Variants in MCF2L observed in about 807,000 individuals in gnomAD.
MCF2L encodes guanine nucleotide exchange factor DBS.
Under a neutral mutation model 153.4 loss-of-function variants are expected in MCF2L, and 97 were observed. The observed-to-expected ratio is 0.63, with a 90% CI of 0.54 to 0.75. The LOEUF (loss-of-function observed/expected upper bound fraction) is 0.75, where lower values mean the gene tolerates loss of function less well. MCF2L is among the 30% of genes least tolerant of loss of function. MCF2L has a pLI of 0.00. For synonymous variants in MCF2L, 659 were observed against 632.2 expected, an observed-to-expected ratio of 1.04 and a Z score of -0.64; for missense variants, 1,347 against 1,495.2, an observed-to-expected ratio of 0.90 and a Z score of 1.64.
rs370010221 is a variant in MCF2L, at chr13:113,027,231, G to A, written c.278+2473G>A. ...GGCCTGGTAACTGAGAGCTCAGCCC[G>A]TCGGCCTGACCTGGAAAGCAGCACA... On this transcript the variant is annotated intron_variant, in intron 3 of 29. Transcript: ENST00000535094. The surrounding 1 kb of genome is among the most constrained non-coding windows in gnomAD (Gnocchi z 4.8). 4.6e-5 allele frequency among the ~76,000 whole-genome samples: 7 copies of A among 152,170 alleles called. No homozygotes were observed. The highest frequency in any genetic ancestry group is 1.2e-4 in the African/African-American group (5 of 41,438).
intron 20 of MCF2L, 83 bp downstream of exon 20, chr13:113,085,261 C>A: frequency 2.5e-6 from 3 of 1,190,954 alleles, no homozygotes; most frequent in Non-Finnish European, 3.7e-6. Context: ...CCGTCCCCAT[C>A]GCGCCCTGCC....
chr13:112,938,136 GCT>G (rs2081539404), intron 2 of MCF2L, among the ~76,000 whole-genome samples: 1 of 143,072 alleles, frequency 7.0e-6, no homozygotes, highest in African/African-American at 2.6e-5. Flanking sequence ...TCAGGTGAGC[GCT>G]GAGGGGTTGG....
intron 2 of MCF2L, among the ~76,000 whole-genome samples, chr13:113,015,711 T>C (rs895156944): frequency 6.6e-6 from 1 of 152,088 alleles, no homozygotes; most frequent in Non-Finnish European, 1.5e-5. Flanking sequence ...GAGACCAAAA[T>C]CGAAGAGACA....
chr13:113,013,672 G>A lies in MCF2L; in HGVS notation c.80-1091G>A, dbSNP rs184283793. Among the ~76,000 whole-genome samples the A allele has an allele frequency of 7.1e-3, 1,074 of 152,310 alleles. 3 individuals carry two copies. The highest frequency in any genetic ancestry group is 0.011 in the South Asian group (53 of 4,828). On this transcript the variant is annotated intron_variant, in intron 1 of 29. Transcript: ENST00000535094. ...GTCCTCAGGTGTGGAAAAATTGAGC[G>A]TTTAAGCCATTCTCAGGTCATCAGC... is the stretch of plus-strand genomic sequence containing the variant.
chr13:113,071,683 G>C (rs1246176936), intron 9 of MCF2L, among the ~76,000 whole-genome samples: 1 of 152,216 alleles, frequency 6.6e-6, no homozygotes, highest in Middle Eastern at 3.2e-3. Flanking sequence ...GCACATTTGT[G>C]TGGGTCTGTT....
At chr13:113,089,464 T>C (rs2034986071) in intron 25 of MCF2L, 146 bp from the exon 26 acceptor site, 8 of 646,646 alleles carry the variant, frequency 1.2e-5, no homozygotes, top group Non-Finnish European at 1.9e-5. Context: ...TCCGTCCGGG[T>C]TTAACTTAGA....
rs1411073380 is a variant in MCF2L at position 113,096,418 on chromosome 13, C to T, written c.3123C>T (p.Pro1041=). The T allele has an allele frequency of 1.3e-6, 2 of 1,595,530 alleles. No individual in the cohort carries two copies. The highest frequency in any genetic ancestry group is 2.7e-5 in the African/African-American group (2 of 74,712). ...TVVADHEKGG[P]DALRVRSGDV... ...TGGCGGACCACGAGAAGGGAGGCCCCGATGCGCTGCGCGTGAGGAGCGGGG... is the reference window on the plus strand; with the variant it reads ...TGGCGGACCACGAGAAGGGAGGCCCTGATGCGCTGCGCGTGAGGAGCGGGG... Residue 1041 remains proline, a synonymous_variant, in exon 28 of 30, where the codon CCC becomes CCT. Coordinates refer to ENST00000535094, the MANE Select transcript of MCF2L (RefSeq NM_001112732.3).
At chr13:113,091,153 C>T (rs370855950) in intron 26 of MCF2L, 48 of 1,301,186 alleles carry the variant, frequency 3.7e-5, no homozygotes, top group Middle Eastern at 2.1e-4. Flanking sequence ...AAAAGCCAAG[C>T]GGCATGAAGT....
Position 113,075,096 on chromosome 13 carries a change from G to A in MCF2L, c.1215G>A (p.Glu405=). ...ACTCCATCCGCCCAAAGTGCCAGGA[G>A]CTCCGGCACCTCTGTGACCAGTTCT... ...AVDSIRPKCQ[E]LRHLCDQFSA... The change falls in exon 11 of 30, where the codon GAG becomes GAA. Residue 405 remains glutamate, a synonymous_variant. Transcript: ENST00000535094. The A allele has an allele frequency of 1.2e-6, 2 of 1,613,724 alleles. No homozygotes were observed. Among genetic ancestry groups the A allele is most frequent in the South Asian group, 1.1e-5 (1 of 91,084 alleles).
chr13:113,081,284 G>A lies in MCF2L; in HGVS notation c.1875+5G>A, dbSNP rs1267227782. On this transcript the variant is annotated splice_donor_5th_base_variant and intron_variant, in intron 16 of 29. Transcript: ENST00000535094. ...GAGCTGCTGTGCGTCCTGGAGGTGA[G>A]GCTGGACTCGGGGAGGGCCGACTGC... 6.3e-7 allele frequency: 1 copy of A among 1,580,990 alleles called. No individual in the cohort carries two copies. Among genetic ancestry groups the A allele is most frequent in the Non-Finnish European group, 8.6e-7 (1 of 1,164,734 alleles).
chr13:113,093,263 C>T (rs986301847), intron 26 of MCF2L, among the ~76,000 whole-genome samples: 15 of 152,232 alleles, frequency 9.9e-5, no homozygotes, highest in African/African-American at 1.7e-4. Context: ...GGTCTGCAAC[C>T]GGAAAATCAC....
In MCF2L at chr13:112,993,658, C is replaced by T. The variant is rs1008556901; in HGVS notation, c.80-21105C>T. On this transcript the variant is annotated intron_variant, in intron 1 of 29. Coordinates refer to ENST00000535094, the MANE Select transcript of MCF2L (RefSeq NM_001112732.3). The surrounding 1 kb of genome is among the most constrained non-coding windows in gnomAD (Gnocchi z 4.6). Reference sequence around the variant, plus strand: ...GGGAGCGAGAAGTCATCGTCAATGGCCCCACGATGTCAGGCTTGGAATTTG... The same window carrying T: ...GGGAGCGAGAAGTCATCGTCAATGGTCCCACGATGTCAGGCTTGGAATTTG... Among the ~76,000 whole-genome samples, 1 of 152,004 alleles carries T rather than the reference C, an allele frequency of 6.6e-6. No homozygotes were observed. The highest frequency in any genetic ancestry group is 1.5e-5 in the Non-Finnish European group (1 of 68,024).
In MCF2L at chr13:113,031,128, GAGAGACAGAC is replaced by G. The variant is rs1435306435; in HGVS notation, c.278+6380_278+6389del. On this transcript the variant is annotated intron_variant, in intron 3 of 29. Transcript: ENST00000535094. This position sits in a 1 kb window ranked among gnomAD's most constrained non-coding sequence, Gnocchi z 5.5. ...AGAGAGACAGAGACAGAGAGTGACA[GAGAGACAGAC>G]AGAGACAGAGAGAGACAGAGAGAAG... Among the ~76,000 whole-genome samples, 2 of 151,544 alleles carry G rather than the reference GAGAGACAGAC, an allele frequency of 1.3e-5. No individual in the cohort carries two copies. Among genetic ancestry groups the G allele is most frequent in the South Asian group, 2.1e-4 (1 of 4,742 alleles).
chr13:113,058,265 C>T (rs2030624727), intron 4 of MCF2L, among the ~76,000 whole-genome samples: 1 of 124,720 alleles, frequency 8.0e-6, no homozygotes, highest in South Asian at 2.8e-4. Flanking sequence ...GCTGAGTGGG[C>T]ATTGAGTGGG....
intron 2 of MCF2L, 34 bp downstream of exon 2, chr13:113,014,880 G>C (rs2084407534): frequency 1.9e-6 from 3 of 1,600,530 alleles, no homozygotes; most frequent in Non-Finnish European, 1.7e-6. Context: ...GGTGGAGAGG[G>C]AGGGGTCTGG....
intron 19 of MCF2L, 27 bp downstream of exon 19, chr13:113,085,011 C>T (rs368228660): frequency 3.3e-5 from 53 of 1,611,672 alleles, no homozygotes; most frequent in East Asian, 4.5e-5. Flanking sequence ...TCCTTTAGAA[C>T]GTTACTCCCT....
At chr13:113,010,170 C>G (rs987749135) in intron 1 of MCF2L, 3 of 151,606 alleles carry the variant, frequency 2.0e-5, no homozygotes, top group Non-Finnish European at 4.4e-5. Context: ...CTCCAGTCCC[C>G]GTTCTCTCTG....
chr13:112,931,061 T>G (rs975489002), intron 2 of MCF2L, among the ~76,000 whole-genome samples: 1 of 152,234 alleles, frequency 6.6e-6, no homozygotes, highest in Non-Finnish European at 1.5e-5. Flanking sequence ...GCCTCTCACC[T>G]GAGCGGTTCA....
chr13:113,044,809 C>G, intron 3 of MCF2L: 2 of 1,612,918 alleles, frequency 1.2e-6, no homozygotes, highest in Non-Finnish European at 1.7e-6. Flanking sequence ...GATTTTCTCC[C>G]AGCACCGTAG....
Sources: gnomAD v4.1 joint callset for allele counts (sites outside exome capture counted in the v4.1 genomes callset) on GRCh38, gnomAD v4.1.1 for gene constraint, Gnocchi (gnomAD v3.1) non-coding constraint, MANE v1.5 for transcripts, NCBI Gene and HGNC (gene_info 2026-07-23, HGNC 2026-07-21) for gene names.